Variants in VPS26C observed in about 807,000 individuals in gnomAD.
VPS26C encodes VPS26 endosomal protein sorting factor C.
VPS26C carries 19 observed loss-of-function variants against 30.6 expected under a neutral mutation model. The ratio of observed to expected loss-of-function variants is 0.62; its 90% CI spans 0.43 to 0.91. VPS26C has a LOEUF of 0.91. Among genes scored for constraint, VPS26C ranks in the 40% least tolerant of loss-of-function variants. VPS26C has a pLI of 0.00. For synonymous variants in VPS26C, 132 were observed against 151.5 expected, an observed-to-expected ratio of 0.87 and a Z score of 0.95; for missense variants, 318 against 385.1, an observed-to-expected ratio of 0.83 and a Z score of 1.46.
intron 1 of VPS26C, among the ~76,000 whole-genome samples, chr21:37,255,536 C>G (rs754217987): frequency 6.6e-6 from 1 of 152,124 alleles, no homozygotes; most frequent in African/African-American, 2.4e-5. Context: ...ACCCAGAGGT[C>G]AATTCTGTCT....
intron 1 of VPS26C, among the ~76,000 whole-genome samples, chr21:37,244,311 C>T (rs977991591): frequency 7.2e-5 from 11 of 152,250 alleles, no homozygotes; most frequent in African/African-American, 1.9e-4. Flanking sequence ...TGCAGCGGCA[C>T]GCTGCAACCT....
rs563971788 is a variant in VPS26C at position 37,234,904 on chromosome 21, G to A, written c.352-1462C>T. Among the ~76,000 whole-genome samples, 26 of 152,070 alleles carry A rather than the reference G, an allele frequency of 1.7e-4. No homozygotes were observed. The East Asian group carries it at 1.9e-3, about 11-fold the overall frequency. On this transcript the variant is annotated intron_variant, in intron 3 of 7. Coordinates refer to ENST00000309117, the MANE Select transcript of VPS26C (RefSeq NM_006052.2). ...GTCACCCAGGCTGAAGTGCGGTGGC[G>A]TGATCTCGGTTCACTGCAACCTCCA...
chr21:37,235,503 C>G (rs1344392599), intron 3 of VPS26C, among the ~76,000 whole-genome samples: 2 of 152,122 alleles, frequency 1.3e-5, no homozygotes, highest in Non-Finnish European at 2.9e-5. Context: ...ACTAGGATCT[C>G]TAGAAATGAG....
chr21:37,260,180 C>T (rs1177256838), intron 1 of VPS26C, among the ~76,000 whole-genome samples: 1 of 152,176 alleles, frequency 6.6e-6, no homozygotes, highest in African/African-American at 2.4e-5. Flanking sequence ...AACCACAAAA[C>T]GGAGAAAACG....
chr21:37,225,733 G>T, intron 7 of VPS26C, 107 bp from the exon 8 acceptor site: 1 of 906,032 alleles, frequency 1.1e-6, no homozygotes, highest in Non-Finnish European at 1.8e-6. Flanking sequence ...AGGAGCACCC[G>T]GTGCGGGTGG....
chr21:37,265,223 T>C (rs1010553792), intron 1 of VPS26C, among the ~76,000 whole-genome samples: 1 of 152,242 alleles, frequency 6.6e-6, no homozygotes, highest in Admixed American at 6.5e-5. Flanking sequence ...GGTGTGCAAC[T>C]CTGCAAATAC....
rs890767891 is a variant in VPS26C at position 37,262,641 on chromosome 21, G to A, written c.57+4597C>T. On this transcript the variant is annotated intron_variant, in intron 1 of 7. Coordinates refer to ENST00000309117, the MANE Select transcript of VPS26C (RefSeq NM_006052.2). ...GTACATTATTAAGAGAACAAGTTGC[G>A]TGTGTGTGCACACGTGTGTCTGGAA... Among the ~76,000 whole-genome samples, 6 of 152,288 alleles carry A rather than the reference G, an allele frequency of 3.9e-5. No homozygotes were observed. The East Asian group carries it at 5.8e-4, about 15-fold the overall frequency.
At chr21:37,261,717 A>C (rs2086306074) in intron 1 of VPS26C, 1 of 152,088 alleles carries the variant, frequency 6.6e-6, no homozygotes, top group African/African-American at 2.4e-5. Context: ...ACTACCAATC[A>C]AATCTTGTGG....
At chr21:37,258,558 T>C (rs1166539026) in intron 1 of VPS26C, among the ~76,000 whole-genome samples, 1 of 152,208 alleles carries the variant, frequency 6.6e-6, no homozygotes, top group Non-Finnish European at 1.5e-5. Flanking sequence ...TTCTCCTTTT[T>C]TCTTCCTTTG....
intron 7 of VPS26C, 129 bp from the exon 8 acceptor site, chr21:37,225,755 G>A: frequency 1.4e-6 from 1 of 738,096 alleles, no homozygotes; most frequent in South Asian, 1.6e-5. Context: ...TTTCATTGCT[G>A]TCCCCTCAGC....
chr21:37,245,800 T>C (rs550457452), intron 1 of VPS26C, among the ~76,000 whole-genome samples: 2 of 152,202 alleles, frequency 1.3e-5, no homozygotes, highest in South Asian at 2.1e-4. Context: ...GATGAGACAA[T>C]TGCTTCTATA....
At chr21:37,250,420 A>G (rs1157836461) in intron 1 of VPS26C, among the ~76,000 whole-genome samples, 15 of 152,230 alleles carry the variant, frequency 9.9e-5, no homozygotes, top group Non-Finnish European at 2.2e-4. Context: ...ACCATAGAGA[A>G]TAATTTTTTT....
At chr21:37,240,841 C>T (rs956017324) in intron 1 of VPS26C, among the ~76,000 whole-genome samples, 2 of 152,176 alleles carry the variant, frequency 1.3e-5, no homozygotes, top group African/African-American at 4.8e-5. Flanking sequence ...AGCCTGGACA[C>T]ACCTGACGGG....
intron 3 of VPS26C, among the ~76,000 whole-genome samples, chr21:37,235,878 TA>T (rs58147604): frequency 0.018 from 549 of 30,254 alleles, 3 homozygotes; most frequent in African/African-American, 0.041. Flanking sequence ...TATATATATA[TA>T]TTTTTTTTTT....
At chr21:37,230,984 G>A (rs1483411275) in intron 5 of VPS26C, among the ~76,000 whole-genome samples, 1 of 152,216 alleles carries the variant, frequency 6.6e-6, no homozygotes, top group Non-Finnish European at 1.5e-5. Context: ...AATGCAGACA[G>A]CGAGCCTCTG....
intron 2 of VPS26C, among the ~76,000 whole-genome samples, chr21:37,238,853 C>G (rs2086052938): frequency 6.6e-6 from 1 of 152,218 alleles, no homozygotes; most frequent in African/African-American, 2.4e-5. Flanking sequence ...GGGAACTGAA[C>G]TGATACATCC....
chr21:37,259,178 C>A (rs1164795988), intron 1 of VPS26C, among the ~76,000 whole-genome samples: 1 of 151,832 alleles, frequency 6.6e-6, no homozygotes, highest in Non-Finnish European at 1.5e-5. Flanking sequence ...TACTAAGAAT[C>A]CAGCAGGTTA....
chr21:37,225,464 C>G lies in VPS26C; in HGVS notation c.*80G>C, dbSNP rs945402330. The G allele has an allele frequency of 3.4e-5, 41 of 1,203,472 alleles. No homozygotes were observed. Among genetic ancestry groups the G allele is most frequent in the African/African-American group, 1.0e-4 (7 of 66,742 alleles). The allele number at this position is 1,203,472 out of a possible 1,614,324, so 74.5% of individuals were successfully genotyped here. The stretch of plus-strand genomic sequence containing the variant: ...CACAAAAACAAGTATATGCCGCTGG[C>G]TGTAGCTCCCCTTAGGATTTGGATA... On this transcript the variant is annotated 3_prime_UTR_variant, in exon 8 of 8. Transcript: ENST00000309117.
intron 2 of VPS26C, among the ~76,000 whole-genome samples, chr21:37,239,948 A>G (rs2086068123): frequency 6.6e-6 from 1 of 152,148 alleles, no homozygotes; most frequent in Non-Finnish European, 1.5e-5. Flanking sequence ...TCCTAATCCT[A>G]TTTATCAAAT....
Sources: allele counts gnomAD v4.1 joint callset (sites outside exome capture counted in the v4.1 genomes callset), GRCh38; gene constraint gnomAD v4.1.1; transcripts MANE v1.5; gene names NCBI Gene and HGNC (gene_info 2026-07-23, HGNC 2026-07-21).